Variants in FLNB observed in about 807,000 individuals in gnomAD.
The protein encoded by FLNB is filamin-B.
FLNB carries 111 observed loss-of-function variants against 250.6 expected under a neutral mutation model. The ratio of observed to expected loss-of-function variants is 0.44; its 90% CI spans 0.38 to 0.52. The LOEUF (loss-of-function observed/expected upper bound fraction) is 0.52, where lower values mean the gene tolerates loss of function less well. Ranked by LOEUF, FLNB falls within the 20% of genes least tolerant of loss-of-function variation. FLNB has a pLI of 0.00. For missense variants in FLNB, 2,869 were observed against 3,447.8 expected, an observed-to-expected ratio of 0.83 and a Z score of 4.20; for synonymous variants, 1,302 against 1,372.1, an observed-to-expected ratio of 0.95 and a Z score of 1.13.
At chr3:58,104,573 CT>C (rs1184239140) in intron 10 of FLNB, among the ~76,000 whole-genome samples, 2 of 152,176 alleles carry the variant, frequency 1.3e-5, no homozygotes, top group African/African-American at 4.8e-5. Context: ...GGAGGTGCAA[CT>C]TTAAACTCCG....
At chr3:58,051,404 T>C (rs1282080645) in intron 1 of FLNB, among the ~76,000 whole-genome samples, 6 of 152,350 alleles carry the variant, frequency 3.9e-5, no homozygotes, top group Non-Finnish European at 5.9e-5. Flanking sequence ...CTTTGCGCAA[T>C]AGCCTTGGGC....
intron 18 of FLNB, among the ~76,000 whole-genome samples, chr3:58,117,768 CCT>C (rs2097281179): frequency 6.6e-6 from 1 of 151,486 alleles, no homozygotes; most frequent in Non-Finnish European, 1.5e-5. Context: ...GAAAATTAAT[CCT>C]CTCTTCATTG....
At chr3:58,049,142 C>T (rs1402105584) in intron 1 of FLNB, among the ~76,000 whole-genome samples, 1 of 152,214 alleles carries the variant, frequency 6.6e-6, no homozygotes, top group Non-Finnish European at 1.5e-5. Flanking sequence ...AGTTACAAGT[C>T]GTTGCGTAGG....
At chr3:58,148,417 G>T in intron 35 of FLNB, 53 bp downstream of exon 35, 1 of 1,579,982 alleles carries the variant, frequency 6.3e-7, no homozygotes, top group South Asian at 1.1e-5. Flanking sequence ...GGTGGGAGAT[G>T]GGGACTCTTG....
At chr3:58,140,824 G>A (rs1233789360) in intron 29 of FLNB, among the ~76,000 whole-genome samples, 1 of 152,168 alleles carries the variant, frequency 6.6e-6, no homozygotes, top group Non-Finnish European at 1.5e-5. Context: ...GGCCAGGCTG[G>A]TAACTCCTGA....
rs2097235357 is a variant in FLNB at position 58,094,841 on chromosome 3, G to A, written c.793G>A (p.Glu265Lys). The part of the protein sequence containing the change: ...KKARAYGRGI[E>K]PTGNMVKQPA... ...TCTGTGTAAACCTGTGGCAGGAATC[G>A]AGCCCACTGGAAACATGGTGAAGCA... The change falls in exon 5 of 46, where the codon GAG becomes AAG. Residue 265 changes from glutamate to lysine, a missense_variant. Around this residue, in one of 5 missense-constraint regions of FLNB, gnomAD observed 308 missense variants for 466.1 expected, o/e 0.66. Transcript: ENST00000295956. 1 of 1,613,846 alleles carries A rather than the reference G, an allele frequency of 6.2e-7. No homozygotes were observed. Among genetic ancestry groups the A allele is most frequent in the Non-Finnish European group, 8.5e-7 (1 of 1,179,788 alleles).
At position 58,142,808 on chromosome 3, in the gene FLNB, G is replaced by A; in HGVS notation, c.5284+56G>A. The A allele has an allele frequency of 2.0e-6, 3 of 1,480,380 alleles. No homozygotes were observed. Among genetic ancestry groups the A allele is most frequent in the Non-Finnish European group, 2.8e-6 (3 of 1,060,762 alleles). 91.7% of individuals were successfully genotyped at this position (1,480,380 alleles called of 1,614,324 possible). On this transcript the variant is annotated intron_variant, in intron 31 of 45. Transcript: ENST00000295956. This position sits in a 1 kb window ranked among gnomAD's most constrained non-coding sequence, Gnocchi z 4.3. ...CTCACTTGCTCTCACGAGCTTCCCA[G>A]AATGGTGCTGGGGAGGTGTGTCCAC...
At chr3:58,048,088 G>GT (rs1353731556) in intron 1 of FLNB, among the ~76,000 whole-genome samples, 1 of 152,018 alleles carries the variant, frequency 6.6e-6, no homozygotes, top group Non-Finnish European at 1.5e-5. Flanking sequence ...ATGCTCCCAA[G>GT]TGTCCTTTAT....
intron 10 of FLNB, among the ~76,000 whole-genome samples, 160 bp downstream of exon 10, chr3:58,104,245 CA>C (rs1212031207): frequency 6.7e-6 from 1 of 149,710 alleles, no homozygotes; most frequent in African/African-American, 2.5e-5. Flanking sequence ...GGCCTGTTCT[CA>C]AAAGCAGCAG....
intron 35 of FLNB, 121 bp from the exon 36 acceptor site, chr3:58,148,528 A>G: frequency 1.6e-6 from 2 of 1,221,270 alleles, no homozygotes; most frequent in Non-Finnish European, 1.2e-6. Flanking sequence ...GCATTGTGAT[A>G]TCGACACTCT....
chr3:58,107,678 G>A (rs1454030094), intron 12 of FLNB, among the ~76,000 whole-genome samples: 1 of 152,112 alleles, frequency 6.6e-6, no homozygotes, highest in East Asian at 1.9e-4. Context: ...ATGTTTCCAA[G>A]AGTGTCCTCT....
intron 6 of FLNB, among the ~76,000 whole-genome samples, chr3:58,097,376 A>G (rs570373017): frequency 1.3e-5 from 2 of 152,162 alleles, no homozygotes; most frequent in South Asian, 4.1e-4. Context: ...TTTTAGATGG[A>G]AATCATTCTA....
chr3:58,079,620 A>G (rs940042835), intron 3 of FLNB, among the ~76,000 whole-genome samples: 4 of 152,226 alleles, frequency 2.6e-5, no homozygotes, highest in East Asian at 3.8e-4. Flanking sequence ...AAGAATCTCT[A>G]TCACCCATAA....
chr3:58,109,326 GGT>G lies in FLNB; in HGVS notation c.2199+5_2199+6del. On this transcript the variant is annotated splice_donor_5th_base_variant and intron_variant, in intron 14 of 45. Transcript: ENST00000295956. The stretch of plus-strand genomic sequence containing the variant: ...CATCCCGCACAGCCCCTACAGGGTA[GGT>G]TGTGAGGCAGAATCCTGGCTGTTTT... 1 of 1,612,814 alleles carries G rather than the reference GGT, an allele frequency of 6.2e-7. No individual in the cohort carries two copies. The highest frequency in any genetic ancestry group is 2.2e-5 in the East Asian group (1 of 44,832).
At position 58,123,703 on chromosome 3, in the gene FLNB, T is replaced by TAAAAA. The variant is rs56147140; in HGVS notation, c.3724+32_3724+36dup. 51 of 1,117,316 alleles carry TAAAAA rather than the reference T, an allele frequency of 4.6e-5. No individual in the cohort carries two copies. Among genetic ancestry groups the TAAAAA allele is most frequent in the Admixed American group, 1.6e-4 (6 of 36,712 alleles). 69.2% of individuals were successfully genotyped at this position (1,117,316 alleles called of 1,614,324 possible). On this transcript the variant is annotated intron_variant, in intron 21 of 45. Coordinates refer to ENST00000295956, the MANE Select transcript of FLNB (RefSeq NM_001457.4). Reference sequence around the variant, plus strand: ...ATAGAAGGGAAAGGTGGGTTTCATTTAAAAAAAAAAAAAAAAAAAAAAAGA... The same window carrying TAAAAA: ...ATAGAAGGGAAAGGTGGGTTTCATTTAAAAAAAAAAAAAAAAAAAAAAAAAAAAGA...
rs2107248499 is a variant in FLNB at position 58,142,269 on chromosome 3, G to GC, written c.5181+342dup. Among the ~76,000 whole-genome samples the GC allele has an allele frequency of 6.6e-6, 1 of 152,332 alleles. No individual in the cohort carries two copies. The highest frequency in any genetic ancestry group is 1.5e-5 in the Non-Finnish European group (1 of 68,024). ...CATTCAGTTTCTGTTCAGGGGGAAA[G>GC]CCACCCACTGCTACTCTCTGCCACT... On this transcript the variant is annotated intron_variant, in intron 30 of 45. Coordinates refer to ENST00000295956, the MANE Select transcript of FLNB (RefSeq NM_001457.4). The surrounding 1 kb of genome is among the most constrained non-coding windows in gnomAD (Gnocchi z 4.3).
rs1178159416 is a variant in FLNB at position 58,125,615 on chromosome 3, G to A, written c.3933G>A (p.Val1311=). 2 of 1,614,044 alleles carry A rather than the reference G, an allele frequency of 1.2e-6. No individual in the cohort carries two copies. The highest frequency in any genetic ancestry group is 2.2e-5 in the South Asian group (2 of 91,082). The change falls in exon 23 of 46, where the codon GTG becomes GTA. Residue 1311 remains valine (V), a synonymous_variant. Coordinates refer to ENST00000295956, the MANE Select transcript of FLNB (RefSeq NM_001457.4). ...TAGTGGAGGTGACATATGATGACGT[G>A]CCTATCCCAAACAGTCCCTTCAAGG... ...LHVVEVTYDD[V]PIPNSPFKVA... is the part of the protein sequence containing the mutation.
At chr3:58,106,908 C>G in intron 12 of FLNB, 35 bp downstream of exon 12, 1 of 1,590,240 alleles carries the variant, frequency 6.3e-7, no homozygotes, top group Non-Finnish European at 8.6e-7. Flanking sequence ...CTTCTTGTCC[C>G]TGGCCCCTGG....
intron 1 of FLNB, among the ~76,000 whole-genome samples, chr3:58,038,864 T>C (rs1387380980): frequency 2.0e-5 from 3 of 152,138 alleles, no homozygotes; most frequent in Non-Finnish European, 4.4e-5. Flanking sequence ...GAAGAGATAG[T>C]TCTCTGTAGA....
Sources: allele counts gnomAD v4.1 joint callset (sites outside exome capture counted in the v4.1 genomes callset), GRCh38; gene constraint gnomAD v4.1.1; regional missense constraint gnomAD v4.1.1; non-coding constraint Gnocchi (gnomAD v3.1); transcripts MANE v1.5; gene names NCBI Gene and HGNC (gene_info 2026-07-23, HGNC 2026-07-21).